Variants in HDLBP observed in about 807,000 individuals in gnomAD.
HDLBP encodes vigilin.
HDLBP carries 30 observed loss-of-function variants against 137.3 expected under a neutral mutation model. The observed-to-expected ratio is 0.22, with a 90% CI of 0.16 to 0.30. The LOEUF is 0.30. Among genes scored for constraint, HDLBP ranks in the 10% least tolerant of loss-of-function variants. The pLI is 1.00. For synonymous variants in HDLBP, 606 were observed against 596.0 expected, an observed-to-expected ratio of 1.02 and a Z score of -0.24; for missense variants, 1,119 against 1,667.3, an observed-to-expected ratio of 0.67 and a Z score of 5.73.
intron 16 of HDLBP, among the ~76,000 whole-genome samples, chr2:241,244,806 T>G (rs1379660561): frequency 1.3e-5 from 2 of 152,212 alleles, no homozygotes; most frequent in East Asian, 3.8e-4. Flanking sequence ...TAAAAAATAA[T>G]GGAATTTTTT....
At chr2:241,256,543 G>T in intron 6 of HDLBP, 57 bp downstream of exon 6, 1 of 1,574,564 alleles carries the variant, frequency 6.4e-7, no homozygotes, top group Non-Finnish European at 8.7e-7. Flanking sequence ...ACCCATGAGG[G>T]AGTGAGGTCT....
At position 241,240,196 on chromosome 2, in the gene HDLBP, G is replaced by A; in HGVS notation, c.2170-74C>T. The A allele has an allele frequency of 2.1e-6, 3 of 1,435,404 alleles. No homozygotes were observed. Among genetic ancestry groups the A allele is most frequent in the Non-Finnish European group, 2.9e-6 (3 of 1,017,418 alleles). The allele number at this position is 1,435,404 out of a possible 1,614,324, so 88.9% of individuals were successfully genotyped here. ...CACAGTGAGGAAGACAAGAGGGTCTGTAGGACAGCAAGCTCGGGCTCCCCT... is the reference window on the plus strand; with the variant it reads ...CACAGTGAGGAAGACAAGAGGGTCTATAGGACAGCAAGCTCGGGCTCCCCT... On this transcript the variant is annotated intron_variant, in intron 17 of 27. Transcript: ENST00000310931. This position sits in a 1 kb window ranked among gnomAD's most constrained non-coding sequence, Gnocchi z 5.5.
chr2:241,233,799 C>A lies in HDLBP; in HGVS notation c.3288+21G>T, dbSNP rs200137065. 2,818 of 1,613,854 alleles carry A rather than the reference C, an allele frequency of 1.7e-3. 6 individuals are homozygous for A. Among genetic ancestry groups the A allele is most frequent in the Non-Finnish European group, 2.2e-3 (2,605 of 1,179,952 alleles). ...TCAACAAGCACCTCTGCCCCCGACA[C>A]GCTCCAACCGAGGCTCTCACCTGGT... On this transcript the variant is annotated intron_variant, in intron 24 of 27. Transcript: ENST00000310931. The surrounding 1 kb of genome is among the most constrained non-coding windows in gnomAD (Gnocchi z 4.3).
chr2:241,286,072 C>T (rs1328047590), intron 1 of HDLBP, among the ~76,000 whole-genome samples: 1 of 152,138 alleles, frequency 6.6e-6, no homozygotes, highest in Non-Finnish European at 1.5e-5. Flanking sequence ...AGAGAATCTA[C>T]ACTGATTATG....
intron 1 of HDLBP, among the ~76,000 whole-genome samples, chr2:241,307,366 G>C (rs1356817562): frequency 6.6e-6 from 1 of 152,224 alleles, no homozygotes; most frequent in Non-Finnish European, 1.5e-5. Context: ...CCTGCCCCAG[G>C]AGAGACCTGC....
intron 14 of HDLBP, 33 bp from the exon 15 acceptor site, chr2:241,247,175 C>T: frequency 1.5e-6 from 2 of 1,373,966 alleles, no homozygotes; most frequent in East Asian, 2.3e-5. Context: ...CGATTCACCA[C>T]CTGTGCTAGA....
Position 241,240,052 on chromosome 2 carries a change from C to A in HDLBP, c.2240G>T (p.Gly747Val), listed in dbSNP as rs1574877615. The change falls in exon 18 of 28, where the codon GGC (glycine) becomes GTC (valine). Residue 747 changes from glycine to valine, a missense_variant. By Grantham distance (109) the Gly-to-Val change is moderately radical. Around this residue, in one of 4 missense-constraint regions of HDLBP, gnomAD observed 618 missense variants for 816.7 expected, o/e 0.76. Transcript: ENST00000310931. This position sits in a 1 kb window ranked among gnomAD's most constrained non-coding sequence, Gnocchi z 5.5. The part of the protein sequence containing the change: ...EYHKFLIGKG[G>V]GKIRKVRDST... ...GTCGCGCACCTTGCGAATTTTGCCG[C>A]CCCCCTTGCCGATGAGGAATTTGTG... 1 of 1,614,190 alleles carries A rather than the reference C, an allele frequency of 6.2e-7. No homozygotes were observed. The highest frequency in any genetic ancestry group is 8.5e-7 in the Non-Finnish European group (1 of 1,180,026).
In HDLBP at chr2:241,239,710, C is replaced by T. The variant is rs1279638603; in HGVS notation, c.2502G>A (p.Met834Ile). 1.2e-6 allele frequency: 2 copies of T among 1,614,134 alleles called. No homozygotes were observed. Among genetic ancestry groups the T allele is most frequent in the Non-Finnish European group, 1.7e-6 (2 of 1,180,024 alleles). Residue 834 changes from methionine (M) to isoleucine (I), a missense_variant, in exon 19 of 28, where the codon ATG becomes ATA. By Grantham distance (10) the Met-to-Ile change is conservative (BLOSUM62 1). Around this residue, in one of 4 missense-constraint regions of HDLBP, gnomAD observed 618 missense variants for 816.7 expected, o/e 0.76. Coordinates refer to ENST00000310931, the MANE Select transcript of HDLBP (RefSeq NM_005336.6). The surrounding 1 kb of genome is among the most constrained non-coding windows in gnomAD (Gnocchi z 4.6). ...GTGTGCCAGAGCGTGGGAAGCTGAC[C>T]ATCACCCCGCCATACTCTTCAGCAA... ...REIAEEYGGVMVSFPRSGTQS... is the reference protein window; with the variant it reads ...REIAEEYGGVIVSFPRSGTQS...
chr2:241,261,194 C>CA (rs5839776), intron 5 of HDLBP, among the ~76,000 whole-genome samples: 30,712 of 106,582 alleles, frequency 0.29, 4,831 homozygotes, highest in African/African-American at 0.38. Flanking sequence ...GATCCTGTCT[C>CA]AAAAAAAAAA....
intron 10 of HDLBP, 57 bp downstream of exon 10, chr2:241,253,335 GC>G: frequency 8.5e-7 from 1 of 1,180,066 alleles, no homozygotes; most frequent in Non-Finnish European, 1.3e-6. Context: ...GACCGCCCAT[GC>G]CCAACTCAGA....
At chr2:241,244,792 T>A (rs1199762904) in intron 16 of HDLBP, among the ~76,000 whole-genome samples, 3 of 152,342 alleles carry the variant, frequency 2.0e-5, no homozygotes, top group Non-Finnish European at 4.4e-5. Context: ...TATTTAAATC[T>A]CTTTAAAAAA....
At chr2:241,279,984 A>C in intron 1 of HDLBP, 1 of 985,422 alleles carries the variant, frequency 1.0e-6, no homozygotes, top group Middle Eastern at 5.2e-4. Context: ...TGAAGGGGTT[A>C]GGAGGAGCAG....
chr2:241,272,201 G>A lies in HDLBP; in HGVS notation c.-102-3660C>T, dbSNP rs2074107401. The A allele has an allele frequency of 4.1e-6, 4 of 984,436 alleles. No homozygotes were observed. The highest frequency in any genetic ancestry group is 4.8e-6 in the Non-Finnish European group (4 of 829,188). 61.0% of individuals were successfully genotyped at this position (984,436 alleles called of 1,614,324 possible). ...CGGGCCCCGCGCGGCAGGTGGAGGTGCTGCGGGGGCCCCGCCGCCCGGTCT... is the reference window on the plus strand; with the variant it reads ...CGGGCCCCGCGCGGCAGGTGGAGGTACTGCGGGGGCCCCGCCGCCCGGTCT... On this transcript the variant is annotated intron_variant, in intron 1 of 27. Coordinates refer to ENST00000310931, the MANE Select transcript of HDLBP (RefSeq NM_005336.6). The surrounding 1 kb of genome is among the most constrained non-coding windows in gnomAD (Gnocchi z 5.6).
At chr2:241,274,856 A>C (rs1009434890) in intron 1 of HDLBP, among the ~76,000 whole-genome samples, 6 of 152,152 alleles carry the variant, frequency 3.9e-5, no homozygotes, top group African/African-American at 1.4e-4. Flanking sequence ...TGTCTGTGAC[A>C]TTTGAGTTTT....
chr2:241,292,535 G>A (rs2075043096), intron 1 of HDLBP, among the ~76,000 whole-genome samples: 1 of 152,134 alleles, frequency 6.6e-6, no homozygotes, highest in South Asian at 2.1e-4. Flanking sequence ...ATAAATATTA[G>A]ATAATATTAA....
intron 11 of HDLBP, 100 bp from the exon 12 acceptor site, chr2:241,250,080 T>C (rs2072006884): frequency 8.4e-7 from 1 of 1,185,248 alleles, no homozygotes. Flanking sequence ...AATAACCTTA[T>C]CTGTGATTCC....
At chr2:241,273,307 TTTATAAACTA>T in intron 1 of HDLBP, 1 of 885,662 alleles carries the variant, frequency 1.1e-6, no homozygotes, top group Non-Finnish European at 1.4e-6. Context: ...GTCCCTCACT[TTTATAAACTA>T]TCCCCACCCG....
Position 241,262,828 on chromosome 2 carries a change from A to T in HDLBP, c.333T>A (p.Thr111=). 1 of 1,614,166 alleles carries T rather than the reference A, an allele frequency of 6.2e-7. No homozygotes were observed. The highest frequency in any genetic ancestry group is 1.1e-5 in the South Asian group (1 of 91,082). The stretch of plus-strand genomic sequence containing the variant: ...CCAAAGACAGCTCCAAGTGAGCACC[A>T]GTTCTCTGCATGATCTCAAGGCAGA... ...AKICLEIMQR[T]GAHLELSLAK... is the part of the protein sequence containing the mutation. Residue 111 remains threonine (T), a synonymous_variant, in exon 5 of 28, where the codon ACT becomes ACA. Transcript: ENST00000310931.
chr2:241,313,427 GCGC>G, intron 1 of HDLBP, among the ~76,000 whole-genome samples: 1 of 152,124 alleles, frequency 6.6e-6, no homozygotes, highest in East Asian at 1.9e-4. Flanking sequence ...TTACAGGCGC[GCGC>G]CACCATGCCA....
Sources: allele counts gnomAD v4.1 joint callset (sites outside exome capture counted in the v4.1 genomes callset), GRCh38; gene constraint gnomAD v4.1.1; regional missense constraint gnomAD v4.1.1; non-coding constraint Gnocchi (gnomAD v3.1); transcripts MANE v1.5; gene names NCBI Gene and HGNC (gene_info 2026-07-23, HGNC 2026-07-21).